Variants in CRTAP observed in about 807,000 individuals in gnomAD.
CRTAP encodes cartilage-associated protein.
Under a neutral mutation model 42.7 loss-of-function variants are expected in CRTAP, and 33 were observed. The observed-to-expected ratio is 0.77, with a 90% CI of 0.59 to 1.03. The LOEUF (loss-of-function observed/expected upper bound fraction) is 1.03. CRTAP is among the 50% of genes least tolerant of loss of function. The probability of loss-of-function intolerance (pLI) is 0.00; values close to 1 mark genes in which losing one functional copy is unlikely to be tolerated. For missense variants in CRTAP, 613 were observed against 533.9 expected, an observed-to-expected ratio of 1.15 and a Z score of -1.46; for synonymous variants, 243 against 217.7, an observed-to-expected ratio of 1.12 and a Z score of -1.02.
At chr3:33,131,448 G>C (rs1383420449) in intron 4 of CRTAP, among the ~76,000 whole-genome samples, 1 of 152,212 alleles carries the variant, frequency 6.6e-6, no homozygotes, top group African/African-American at 2.4e-5. Context: ...GAATTTAGAA[G>C]TGTTCTGGAT....
rs539540044 is a variant in CRTAP, at chr3:33,138,523, A to G, written c.1153-3872A>G. Among the ~76,000 whole-genome samples the G allele has an allele frequency of 4.6e-5, 7 of 152,214 alleles. No individual in the cohort carries two copies. In the South Asian group the frequency reaches 1.2e-3, roughly 27 times the overall value. On this transcript the variant is annotated intron_variant, in intron 6 of 6. Transcript: ENST00000320954. ...GTATTCAAGCATTTTATTCTTTTTG[A>G]TGCTATTATAAATGAAATTGTTTTC... is the stretch of plus-strand genomic sequence containing the variant.
chr3:33,142,299 C>A, intron 6 of CRTAP, 96 bp from the exon 7 acceptor site: 1 of 1,164,548 alleles, frequency 8.6e-7, no homozygotes, highest in Non-Finnish European at 1.3e-6. Flanking sequence ...CCAAAGCAGA[C>A]AGTGGTGATG....
At position 33,138,606 on chromosome 3, in the gene CRTAP, T is replaced by A. The variant is rs1393035317; in HGVS notation, c.1153-3789T>A. Among the ~76,000 whole-genome samples, 3 of 152,246 alleles carry A rather than the reference T, an allele frequency of 2.0e-5. No individual in the cohort carries two copies. In the East Asian group the frequency reaches 5.8e-4, roughly 29 times the overall value. On this transcript the variant is annotated intron_variant, in intron 6 of 6. Coordinates refer to ENST00000320954, the MANE Select transcript of CRTAP (RefSeq NM_006371.5). ...TAGAAATACAATAGATTTTGTGTAT[T>A]GATTCTGCAAACTTGCTGAACTTAT... is the stretch of plus-strand genomic sequence containing the variant.
intron 2 of CRTAP, among the ~76,000 whole-genome samples, chr3:33,122,232 C>T (rs2125599398): frequency 6.6e-6 from 1 of 152,150 alleles, no homozygotes. Flanking sequence ...CTGTGCTGCC[C>T]TCCTGTGTGA....
At chr3:33,136,701 C>T (rs867324145) in intron 6 of CRTAP, among the ~76,000 whole-genome samples, 5 of 152,104 alleles carry the variant, frequency 3.3e-5, no homozygotes, top group Admixed American at 3.3e-4. Flanking sequence ...GCGTATGTCA[C>T]ATGGCAAGAG....
chr3:33,142,190 A>G (rs570974993), intron 6 of CRTAP, among the ~76,000 whole-genome samples: 1 of 152,318 alleles, frequency 6.6e-6, no homozygotes, highest in East Asian at 1.9e-4. Flanking sequence ...CTCGCAGAGC[A>G]CTTGATACCA....
intron 5 of CRTAP, among the ~76,000 whole-genome samples, chr3:33,133,849 T>G (rs958345061): frequency 3.3e-5 from 5 of 152,224 alleles, no homozygotes; most frequent in Non-Finnish European, 7.3e-5. Context: ...CATTATATAT[T>G]ACTTTCAAAA....
intron 6 of CRTAP, among the ~76,000 whole-genome samples, chr3:33,134,496 G>A (rs894313729): frequency 2.7e-4 from 41 of 152,150 alleles, no homozygotes; most frequent in African/African-American, 9.4e-4. Context: ...AAACGGGTGT[G>A]GGGCCACACT....
chr3:33,141,347 A>G (rs72857490), intron 6 of CRTAP, among the ~76,000 whole-genome samples: 6,658 of 152,294 alleles, frequency 0.044, 385 homozygotes, highest in African/African-American at 0.13. Context: ...GGGTCTAGAA[A>G]GCAACTGAAA....
At chr3:33,130,924 G>C (rs1240732550) in intron 4 of CRTAP, among the ~76,000 whole-genome samples, 1 of 152,156 alleles carries the variant, frequency 6.6e-6, no homozygotes, top group Non-Finnish European at 1.5e-5. Flanking sequence ...GCAAACGTGG[G>C]AGAGAAGGAA....
chr3:33,132,170 T>G (rs2030286106), intron 4 of CRTAP, among the ~76,000 whole-genome samples: 1 of 152,118 alleles, frequency 6.6e-6, no homozygotes, highest in South Asian at 2.1e-4. Flanking sequence ...CCCATCCAGA[T>G]GGGATCCAGA....
chr3:33,125,099 C>T (rs2030021160), intron 3 of CRTAP, among the ~76,000 whole-genome samples: 1 of 152,178 alleles, frequency 6.6e-6, no homozygotes, highest in East Asian at 1.9e-4. Flanking sequence ...ACATAGGTAG[C>T]CCAGATTTCT....
intron 3 of CRTAP, among the ~76,000 whole-genome samples, chr3:33,126,329 C>T (rs138902950): frequency 2.0e-5 from 3 of 152,280 alleles, no homozygotes; most frequent in Admixed American, 6.5e-5. Context: ...TAGGTTCTTC[C>T]GCCATATCTT....
rs1016560708 is a variant in CRTAP at position 33,143,528 on chromosome 3, T to C, written c.*1080T>C. 9 of 121,172 alleles carry C rather than the reference T, an allele frequency of 7.4e-5. No individual in the cohort carries two copies. The highest frequency in any genetic ancestry group is 2.4e-4 in the African/African-American group (9 of 37,634). 7.5% of individuals were successfully genotyped at this position (121,172 alleles called of 1,614,324 possible). On this transcript the variant is annotated 3_prime_UTR_variant, in exon 7 of 7. Transcript: ENST00000320954. ...TGAGTACCTACTGTGTGCTAGGCAT[T>C]GACCTGGGAACTAGAGATACTTCAC... is the stretch of plus-strand genomic sequence containing the variant.
rs1030615134 is a variant in CRTAP at position 33,144,117 on chromosome 3, G to A, written c.*1669G>A. 1 of 152,264 alleles carries A rather than the reference G, an allele frequency of 6.6e-6. No individual in the cohort carries two copies. The highest frequency in any genetic ancestry group is 1.5e-5 in the Non-Finnish European group (1 of 68,056). 9.4% of individuals were successfully genotyped at this position (152,264 alleles called of 1,614,324 possible). ...ACTGCAAGGTTCCAGGCTTGGGCCT[G>A]GGCCACAGCAACAGCAGTGGTCAAA... On this transcript the variant is annotated 3_prime_UTR_variant, in exon 7 of 7. Coordinates refer to ENST00000320954, the MANE Select transcript of CRTAP (RefSeq NM_006371.5).
At chr3:33,120,094 G>A (rs1365731037) in intron 1 of CRTAP, among the ~76,000 whole-genome samples, 8 of 152,182 alleles carry the variant, frequency 5.3e-5, no homozygotes, top group Admixed American at 5.2e-4. Context: ...CCAGCCTCCT[G>A]GGGCATGTAG....
chr3:33,135,148 A>G (rs1292972995), intron 6 of CRTAP, among the ~76,000 whole-genome samples: 2 of 152,262 alleles, frequency 1.3e-5, no homozygotes, highest in Non-Finnish European at 2.9e-5. Context: ...TTGTGAGAAT[A>G]AAATACTGTG....
rs1352844028 is a variant in CRTAP at position 33,143,124 on chromosome 3, C to A, written c.*676C>A. ...TGTTTTTTTGTTTTTCCCAGAAAATCAGTATTATTTTTTAAATAAGAAAAA... is the reference window on the plus strand; with the variant it reads ...TGTTTTTTTGTTTTTCCCAGAAAATAAGTATTATTTTTTAAATAAGAAAAA... On this transcript the variant is annotated 3_prime_UTR_variant, in exon 7 of 7. Transcript: ENST00000320954. 6.6e-6 allele frequency: 1 copy of A among 152,204 alleles called. No homozygotes were observed. The highest frequency in any genetic ancestry group is 1.5e-5 in the Non-Finnish European group (1 of 68,040). The allele number at this position is 152,204 out of a possible 1,614,324, so 9.4% of individuals were successfully genotyped here. A position where few individuals can be genotyped will look rare whatever the true frequency, so the allele number is the denominator to read the frequency against.
intron 1 of CRTAP, among the ~76,000 whole-genome samples, chr3:33,114,862 A>G (rs1366434720): frequency 6.6e-6 from 1 of 152,244 alleles, no homozygotes; most frequent in Non-Finnish European, 1.5e-5. Context: ...TTTTCTGTAT[A>G]TACCATTAAA....
Sources: gnomAD v4.1 joint callset for allele counts (sites outside exome capture counted in the v4.1 genomes callset) on GRCh38, gnomAD v4.1.1 for gene constraint, MANE v1.5 for transcripts, NCBI Gene and HGNC (gene_info 2026-07-23, HGNC 2026-07-21) for gene names.